OR9Q1: variants seen among roughly 807,000 people sequenced by gnomAD.
OR9Q1 encodes olfactory receptor 9Q1.
For synonymous variants in OR9Q1, 153 were observed against 148.6 expected (o/e 1.03, Z -0.22); for missense variants, 374 against 378.8 (o/e 0.99, Z 0.11).
At chr11:58,102,040 C>T (rs1400635697) in intron 2 of OR9Q1, among the ~76,000 whole-genome samples, 1 of 152,166 alleles carries the variant, frequency 6.6e-6, no homozygotes, top group Non-Finnish European at 1.5e-5. Context: ...GCCACCACGC[C>T]CGGCCATCTT....
intron 2 of OR9Q1, among the ~76,000 whole-genome samples, chr11:58,079,910 T>C (rs1182826783): frequency 6.6e-6 from 1 of 152,180 alleles, no homozygotes; most frequent in Non-Finnish European, 1.5e-5. Flanking sequence ...TGCTGACTTG[T>C]AGAATAGTGA....
intron 2 of OR9Q1, among the ~76,000 whole-genome samples, chr11:58,068,895 G>A (rs1214025014): frequency 6.6e-6 from 1 of 152,096 alleles, no homozygotes; most frequent in African/African-American, 2.4e-5. Flanking sequence ...GTGCAGCGCT[G>A]GAGATTCGCA....
At chr11:58,085,983 C>T (rs1853630276) in intron 2 of OR9Q1, among the ~76,000 whole-genome samples, 1 of 151,876 alleles carries the variant, frequency 6.6e-6, no homozygotes, top group African/African-American at 2.4e-5. Flanking sequence ...ACTTGCTTGG[C>T]TACAGCTCTG....
chr11:58,057,267 A>G (rs1420549448), intron 2 of OR9Q1, among the ~76,000 whole-genome samples: 1 of 152,128 alleles, frequency 6.6e-6, no homozygotes, highest in Non-Finnish European at 1.5e-5. Context: ...GATTACAGGT[A>G]TGAGCCACTG....
Position 58,181,565 on chromosome 11 carries a change from A to C in OR9Q1, c.*1188A>C, listed in dbSNP as rs1020474773. ...TTCTTTTCCTGTCTCCTGGATTACT[A>C]AAAAAAAAAAAAAAAAAAAAAATCC... On this transcript the variant is annotated 3_prime_UTR_variant, in exon 3 of 3. Coordinates refer to ENST00000335397, the MANE Select transcript of OR9Q1 (RefSeq NM_001005212.4). 8.8e-6 allele frequency: 1 copy of C among 113,452 alleles called. No individual in the cohort carries two copies. Among genetic ancestry groups the C allele is most frequent in the Non-Finnish European group, 1.7e-5 (1 of 60,372 alleles). 7.0% of individuals were successfully genotyped at this position (113,452 alleles called of 1,614,324 possible).
chr11:58,031,312 T>A, intron 1 of OR9Q1: 1 of 1,614,196 alleles, frequency 6.2e-7, no homozygotes, highest in South Asian at 1.1e-5. Flanking sequence ...TCCTACTGGC[T>A]GCCATGGCCT....
chr11:58,120,657 T>C (rs1190441088), intron 2 of OR9Q1, among the ~76,000 whole-genome samples: 1 of 151,382 alleles, frequency 6.6e-6, no homozygotes. Context: ...AGCTAAATAA[T>C]GTTGGCTACT....
At chr11:58,053,730 T>C (rs1312257373) in intron 1 of OR9Q1, among the ~76,000 whole-genome samples, 1 of 137,494 alleles carries the variant, frequency 7.3e-6, no homozygotes, top group Non-Finnish European at 1.7e-5. Flanking sequence ...ATCTTTTCAG[T>C]GTATTCTAAC....
At chr11:58,175,198 G>T (rs145562356) in intron 2 of OR9Q1, among the ~76,000 whole-genome samples, 1,669 of 151,830 alleles carry the variant, frequency 0.011, 13 homozygotes, top group Admixed American at 0.016. Context: ...GTAGGATAGG[G>T]ATTTGGAAGA....
intron 2 of OR9Q1, among the ~76,000 whole-genome samples, chr11:58,087,407 A>C (rs974526409): frequency 5.3e-5 from 8 of 151,586 alleles, no homozygotes; most frequent in Non-Finnish European, 1.5e-5. Flanking sequence ...AATTCCTCTC[A>C]CTCAATGTTA....
chr11:58,031,171 C>T, intron 1 of OR9Q1: 1 of 1,614,172 alleles, frequency 6.2e-7, no homozygotes, highest in Non-Finnish European at 8.5e-7. Context: ...GCCTTGAAAT[C>T]TGGTACACTT....
At chr11:58,032,369 A>G (rs1258698613) in intron 1 of OR9Q1, among the ~76,000 whole-genome samples, 1 of 152,228 alleles carries the variant, frequency 6.6e-6, no homozygotes, top group Admixed American at 6.5e-5. Context: ...TTAAAACTAT[A>G]CTATAAGGCT....
At chr11:58,048,613 C>G (rs7113076) in intron 1 of OR9Q1, among the ~76,000 whole-genome samples, 145,533 of 150,170 alleles carry the variant, frequency 0.97, 70,679 homozygotes, top group Non-Finnish European at 1. Context: ...AGGTTGCAGT[C>G]AGCTGAGATC....
At chr11:58,147,525 T>C (rs1365370405) in intron 2 of OR9Q1, among the ~76,000 whole-genome samples, 1 of 152,086 alleles carries the variant, frequency 6.6e-6, no homozygotes, top group Admixed American at 6.6e-5. Flanking sequence ...ATTTTTATAG[T>C]GGCAGGAAAA....
At chr11:58,029,876 C>G (rs1234828950) in intron 1 of OR9Q1, among the ~76,000 whole-genome samples, 1 of 143,374 alleles carries the variant, frequency 7.0e-6, no homozygotes, top group Non-Finnish European at 1.5e-5. Flanking sequence ...AAGTCTTGCT[C>G]TGTTGCCCAG....
Position 58,179,854 on chromosome 11 carries a change from C to T in OR9Q1, c.410C>T (p.Thr137Ile), listed in dbSNP as rs1342982351. ...CCCCTGCTTTATGTCACCATCCTGA[C>T]ACAGCAGGCCCGCTTGAGTCTTGTG... Reference protein sequence around the residue: ...CQPLLYVTILTQQARLSLVAG... With the variant: ...CQPLLYVTILIQQARLSLVAG... Residue 137 changes from threonine to isoleucine, a missense_variant, in exon 3 of 3, where the codon ACA (threonine) becomes ATA (isoleucine). Physicochemically the swap from Thr to Ile is moderately conservative, Grantham distance 89. Coordinates refer to ENST00000335397, the MANE Select transcript of OR9Q1 (RefSeq NM_001005212.4). 8.1e-6 allele frequency: 13 copies of T among 1,614,046 alleles called. No homozygotes were observed. The highest frequency in any genetic ancestry group is 1.1e-5 in the South Asian group (1 of 91,082).
At chr11:58,035,108 A>G (rs1389356523) in intron 1 of OR9Q1, among the ~76,000 whole-genome samples, 4 of 152,050 alleles carry the variant, frequency 2.6e-5, no homozygotes, top group Admixed American at 1.3e-4. Context: ...GGACTACAGG[A>G]ATGAATTAAG....
At chr11:58,118,670 A>G in intron 2 of OR9Q1, 2 of 1,614,062 alleles carry the variant, frequency 1.2e-6, no homozygotes, top group Middle Eastern at 1.7e-4. Context: ...CTTTGCAGAT[A>G]CATGAAGATA....
intron 2 of OR9Q1, among the ~76,000 whole-genome samples, chr11:58,115,495 T>G (rs140620648): frequency 3.3e-5 from 5 of 152,268 alleles, no homozygotes; most frequent in African/African-American, 1.2e-4. Context: ...ACACCACAGG[T>G]GCGTACAGTT....
Sources: allele counts gnomAD v4.1 joint callset (sites outside exome capture counted in the v4.1 genomes callset), GRCh38; gene constraint gnomAD v4.1.1; transcripts MANE v1.5; gene names NCBI Gene and HGNC (gene_info 2026-07-23, HGNC 2026-07-21).